Variants in GRM8 observed in about 807,000 individuals in gnomAD.
GRM8 encodes the protein glutamate metabotropic receptor 8, also known as metabotropic glutamate receptor 8.
GRM8 carries 47 observed loss-of-function variants against 87.2 expected under a neutral mutation model. The observed-to-expected ratio is 0.54, with a 90% CI of 0.43 to 0.69. GRM8 has a LOEUF of 0.69. GRM8 is among the 30% of genes least tolerant of loss of function. The pLI, the probability that GRM8 is intolerant of heterozygous loss-of-function variation, is 0.00. For missense variants in GRM8, 1,019 were observed against 1,139.2 expected (o/e 0.89, Z 1.52); for synonymous variants, 396 against 404.5 (o/e 0.98, Z 0.25).
intron 3 of GRM8, among the ~76,000 whole-genome samples, chr7:127,001,946 CT>C (rs1329212040): frequency 6.6e-6 from 1 of 151,688 alleles, no homozygotes; most frequent in Admixed American, 6.6e-5. Context: ...GATAGGCACA[CT>C]GTATCATTCC....
intron 2 of GRM8, among the ~76,000 whole-genome samples, chr7:127,204,939 C>T (rs995973994): frequency 6.6e-6 from 1 of 152,176 alleles, no homozygotes; most frequent in Non-Finnish European, 1.5e-5. Flanking sequence ...CATTCCCCTT[C>T]GCTGTGGGAG....
intron 3 of GRM8, among the ~76,000 whole-genome samples, chr7:126,985,314 C>T (rs1242266102): frequency 1.3e-5 from 2 of 152,152 alleles, no homozygotes; most frequent in African/African-American, 4.8e-5. Context: ...AAAATCAGCT[C>T]AACCTCAAAC....
intron 9 of GRM8, among the ~76,000 whole-genome samples, chr7:126,488,640 C>T (rs930194551): frequency 1.6e-4 from 25 of 151,944 alleles, no homozygotes; most frequent in African/African-American, 7.2e-5. Context: ...TCCAATTCAT[C>T]GCCATTCCAG....
chr7:126,881,938 A>T (rs1394882259), intron 6 of GRM8, among the ~76,000 whole-genome samples: 1 of 152,148 alleles, frequency 6.6e-6, no homozygotes, highest in Non-Finnish European at 1.5e-5. Context: ...AATGAGTCAT[A>T]AAAGACAAGA....
chr7:126,712,594 C>A (rs1811218115), intron 7 of GRM8, among the ~76,000 whole-genome samples: 1 of 152,128 alleles, frequency 6.6e-6, no homozygotes, highest in African/African-American at 2.4e-5. Flanking sequence ...CCAAAACTGA[C>A]AAATGGGATC....
At chr7:126,764,380 A>C (rs1263283321) in intron 7 of GRM8, among the ~76,000 whole-genome samples, 1 of 151,982 alleles carries the variant, frequency 6.6e-6, no homozygotes, top group African/African-American at 2.4e-5. Flanking sequence ...TTATCATATG[A>C]CTTTACACAA....
At chr7:127,107,600 T>A (rs1825928518) in intron 2 of GRM8, among the ~76,000 whole-genome samples, 1 of 152,172 alleles carries the variant, frequency 6.6e-6, no homozygotes, top group South Asian at 2.1e-4. Flanking sequence ...GACTTGTACA[T>A]GAAAAAATTA....
At chr7:127,045,758 G>A (rs1818868318) in intron 3 of GRM8, among the ~76,000 whole-genome samples, 1 of 152,084 alleles carries the variant, frequency 6.6e-6, no homozygotes, top group African/African-American at 2.4e-5. Context: ...CTATCCCTGT[G>A]CTAACTCCAA....
chr7:126,788,420 A>ACAAAAAAAAAAAAAC (rs1554492200), intron 6 of GRM8, among the ~76,000 whole-genome samples: 1 of 81,132 alleles, frequency 1.2e-5, no homozygotes, highest in African/African-American at 4.6e-5. Flanking sequence ...AAAAAAAAAA[A>ACAAAAAAAAAAAAAC]AAACCCTTTC....
At chr7:126,579,408 A>G (rs553896289) in intron 8 of GRM8, among the ~76,000 whole-genome samples, 13 of 152,216 alleles carry the variant, frequency 8.5e-5, no homozygotes, top group Non-Finnish European at 1.5e-4. Flanking sequence ...AAAACTTTCT[A>G]TAAACTAAGA....
intron 6 of GRM8, among the ~76,000 whole-genome samples, chr7:126,898,998 C>T (rs930302759): frequency 3.3e-5 from 5 of 150,354 alleles, no homozygotes; most frequent in African/African-American, 1.2e-4. Context: ...TCTCATTGTT[C>T]AACTCCCACT....
intron 6 of GRM8, among the ~76,000 whole-genome samples, chr7:126,898,630 G>A (rs910844976): frequency 6.6e-6 from 1 of 152,176 alleles, no homozygotes; most frequent in Admixed American, 6.6e-5. Flanking sequence ...CAAAGGAATT[G>A]GAGGCAGACA....
chr7:127,071,790 AT>A (rs560127597), intron 3 of GRM8, among the ~76,000 whole-genome samples: 27 of 151,230 alleles, frequency 1.8e-4, no homozygotes, highest in South Asian at 1.5e-3. Context: ...ATATATACAT[AT>A]TTTTTTTTGC....
intron 2 of GRM8, among the ~76,000 whole-genome samples, chr7:127,240,540 C>T (rs1798231975): frequency 6.6e-6 from 1 of 151,954 alleles, no homozygotes; most frequent in Non-Finnish European, 1.5e-5. Context: ...CTACAGGAAA[C>T]AGCCAGGATT....
At chr7:127,135,262 T>G (rs1196691453) in intron 2 of GRM8, among the ~76,000 whole-genome samples, 1 of 152,112 alleles carries the variant, frequency 6.6e-6, no homozygotes, top group Admixed American at 6.5e-5. Context: ...AGAATGCCCA[T>G]TTCCATATAA....
At position 126,598,933 on chromosome 7, in the gene GRM8, A is replaced by G. The variant is rs116776879; in HGVS notation, c.1494+10429T>C. 7.4e-3 allele frequency among the ~76,000 whole-genome samples: 1,128 copies of G among 152,208 alleles called. 7 individuals carry two copies. The highest frequency in any genetic ancestry group is 0.025 in the African/African-American group (1,035 of 41,542). ...CTCTGTTCTGGGAGCTCAGAATCAT[A>G]CTCAGTCCCGTAAAGAAACTGAGCC... is the stretch of plus-strand genomic sequence containing the variant. On this transcript the variant is annotated intron_variant, in intron 8 of 10. Coordinates refer to ENST00000339582, the MANE Select transcript of GRM8 (RefSeq NM_000845.3).
chr7:127,228,869 G>A (rs546942202), intron 2 of GRM8: 1 of 152,230 alleles, frequency 6.6e-6, no homozygotes, highest in East Asian at 1.9e-4. Flanking sequence ...TTCTTTGAGG[G>A]AATTCTTATC....
At chr7:126,819,746 T>TA (rs200074618) in intron 6 of GRM8, among the ~76,000 whole-genome samples, 1 of 152,264 alleles carries the variant, frequency 6.6e-6, no homozygotes, top group East Asian at 1.9e-4. Flanking sequence ...ATAGATTTTT[T>TA]AAAAAAACTA....
chr7:126,468,665 T>C (rs988148713), intron 9 of GRM8, among the ~76,000 whole-genome samples: 38 of 152,226 alleles, frequency 2.5e-4, no homozygotes, highest in Middle Eastern at 3.4e-3. Context: ...CTCCTGCCAT[T>C]GTCTGTGTCC....
Sources: gnomAD v4.1 joint callset for allele counts (sites outside exome capture counted in the v4.1 genomes callset) on GRCh38, gnomAD v4.1.1 for gene constraint, MANE v1.5 for transcripts, NCBI Gene and HGNC (gene_info 2026-07-23, HGNC 2026-07-21) for gene names.